DIAPH3: variants seen among roughly 807,000 people sequenced by gnomAD.
DIAPH3 encodes protein diaphanous homolog 3.
Under a neutral mutation model 144.3 loss-of-function variants are expected in DIAPH3, and 117 were observed. The observed-to-expected ratio is 0.81, with a 90% CI of 0.70 to 0.95. DIAPH3 has a LOEUF of 0.95. DIAPH3 is among the 40% of genes least tolerant of loss of function. The probability of loss-of-function intolerance (pLI) is 0.00; values close to 1 mark genes in which losing one functional copy is unlikely to be tolerated. For synonymous variants in DIAPH3, 519 were observed against 488.9 expected (o/e 1.06, Z -0.81); for missense variants, 1,421 against 1,412.7 (o/e 1.01, Z -0.09).
At chr13:59,895,209 A>G (rs2046016870) in intron 20 of DIAPH3, among the ~76,000 whole-genome samples, 1 of 152,180 alleles carries the variant, frequency 6.6e-6, no homozygotes, top group African/African-American at 2.4e-5. Context: ...CAAATATAGT[A>G]AATCAAATTA....
At chr13:59,879,199 A>ATTCC (rs773780762) in intron 21 of DIAPH3, 30 bp downstream of exon 21, 2 of 1,613,250 alleles carry the variant, frequency 1.2e-6, no homozygotes, top group Non-Finnish European at 1.7e-6. Flanking sequence ...GTGTTCAGGC[A>ATTCC]AATATGTGTT....
chr13:59,816,912 A>G (rs2040805431), intron 24 of DIAPH3, among the ~76,000 whole-genome samples: 1 of 151,926 alleles, frequency 6.6e-6, no homozygotes, highest in Non-Finnish European at 1.5e-5. Context: ...TGCATCCAGC[A>G]AAGTCTAATG....
At chr13:59,741,581 C>T (rs577364670) in intron 27 of DIAPH3, among the ~76,000 whole-genome samples, 6 of 151,590 alleles carry the variant, frequency 4.0e-5, no homozygotes, top group Non-Finnish European at 7.4e-5. Context: ...ATAGTGAGAT[C>T]CTGTTTCAAA....
chr13:59,755,280 A>G (rs1470911395), intron 27 of DIAPH3, among the ~76,000 whole-genome samples: 1 of 152,210 alleles, frequency 6.6e-6, no homozygotes, highest in Admixed American at 6.5e-5. Context: ...AGGTCAAGGT[A>G]GAATCACCCA....
chr13:59,993,072 T>C, intron 9 of DIAPH3, among the ~76,000 whole-genome samples: 1 of 152,022 alleles, frequency 6.6e-6, no homozygotes, highest in East Asian at 1.9e-4. Context: ...AGGTTATAAA[T>C]AAACACTGTA....
chr13:59,846,667 A>G (rs1273900441), intron 22 of DIAPH3, among the ~76,000 whole-genome samples: 1 of 152,220 alleles, frequency 6.6e-6, no homozygotes, highest in Non-Finnish European at 1.5e-5. Context: ...AAATTCTAGA[A>G]TACCATTATA....
intron 2 of DIAPH3, among the ~76,000 whole-genome samples, chr13:60,116,993 C>T (rs1320393329): frequency 1.3e-5 from 2 of 151,764 alleles, no homozygotes; most frequent in East Asian, 3.9e-4. Context: ...GAACAAGCTC[C>T]AAAACACTTT....
At chr13:59,965,283 C>T (rs1236378906) in intron 17 of DIAPH3, among the ~76,000 whole-genome samples, 1 of 152,058 alleles carries the variant, frequency 6.6e-6, no homozygotes, top group Non-Finnish European at 1.5e-5. Context: ...GCAAAAATGA[C>T]ACACCTGTTA....
chr13:59,979,475 A>T (rs2050865694), intron 14 of DIAPH3, among the ~76,000 whole-genome samples: 1 of 151,550 alleles, frequency 6.6e-6, no homozygotes, highest in Non-Finnish European at 1.5e-5. Context: ...ATGATCCATT[A>T]ATTTGTTTCC....
intron 27 of DIAPH3, among the ~76,000 whole-genome samples, chr13:59,733,671 A>G (rs2138997753): frequency 6.6e-6 from 1 of 152,298 alleles, no homozygotes; most frequent in African/African-American, 2.4e-5. Flanking sequence ...CAAAAATCCC[A>G]AGCAAATAGT....
intron 5 of DIAPH3, among the ~76,000 whole-genome samples, chr13:60,030,976 A>T (rs896834047): frequency 6.6e-5 from 10 of 152,150 alleles, no homozygotes; most frequent in African/African-American, 2.4e-4. Context: ...TGGCTCTAAC[A>T]TTCTTTTGGG....
intron 25 of DIAPH3, among the ~76,000 whole-genome samples, chr13:59,781,848 A>G (rs1202754596): frequency 1.3e-5 from 2 of 152,172 alleles, no homozygotes; most frequent in African/African-American, 2.4e-5. Context: ...TTAGGTCAGG[A>G]GGGCAGAAAT....
intron 17 of DIAPH3, among the ~76,000 whole-genome samples, chr13:59,966,075 T>C (rs968949361): frequency 1.3e-5 from 2 of 152,124 alleles, no homozygotes; most frequent in Non-Finnish European, 2.9e-5. Flanking sequence ...AGTGAGCTAC[T>C]TAACAGCAAA....
intron 27 of DIAPH3, among the ~76,000 whole-genome samples, chr13:59,703,899 A>G (rs1262143691): frequency 6.6e-6 from 1 of 152,182 alleles, no homozygotes; most frequent in African/African-American, 2.4e-5. Context: ...CTACCTGAGG[A>G]TTCACTTTCT....
At chr13:59,924,495 TTA>T (rs1284779168) in intron 18 of DIAPH3, among the ~76,000 whole-genome samples, 4 of 101,644 alleles carry the variant, frequency 3.9e-5, no homozygotes, top group African/African-American at 1.5e-4. Context: ...TTTTTATACT[TTA>T]AAAAAAGGGA....
chr13:60,025,385 T>C (rs1161361429), intron 5 of DIAPH3, among the ~76,000 whole-genome samples: 2 of 141,744 alleles, frequency 1.4e-5, no homozygotes, highest in African/African-American at 2.7e-5. Flanking sequence ...TAATGTCCAG[T>C]ATTTCTAGTT....
chr13:59,793,445 CTT>C (rs2039427114), intron 25 of DIAPH3, among the ~76,000 whole-genome samples: 1 of 152,172 alleles, frequency 6.6e-6, no homozygotes, highest in Admixed American at 6.5e-5. Flanking sequence ...TTCATTAACT[CTT>C]TACGCTATTC....
chr13:59,763,138 AT>A (rs1391096225), intron 27 of DIAPH3, among the ~76,000 whole-genome samples: 1 of 151,644 alleles, frequency 6.6e-6, no homozygotes, highest in Non-Finnish European at 1.5e-5. Context: ...ATATTGTACT[AT>A]TTTTTTCTGC....
chr13:59,948,015 ATG>A (rs946800938), intron 17 of DIAPH3, among the ~76,000 whole-genome samples: 5 of 152,222 alleles, frequency 3.3e-5, no homozygotes, highest in African/African-American at 1.2e-4. Flanking sequence ...TTTTAGAGTA[ATG>A]TGAGTCAGGT....
Sources: gnomAD v4.1 joint callset for allele counts (sites outside exome capture counted in the v4.1 genomes callset) on GRCh38, gnomAD v4.1.1 for gene constraint, MANE v1.5 for transcripts, NCBI Gene and HGNC (gene_info 2026-07-23, HGNC 2026-07-21) for gene names.